The following KCNMA1 variants were observed in gnomAD, a reference collection of about 807,000 sequenced individuals.
KCNMA1 encodes the protein potassium calcium-activated channel subfamily M alpha 1, also known as Calcium-activated potassium channel subunit alpha-1.
A neutral mutation model predicts 140.0 loss-of-function variants in KCNMA1; 29 were observed. That is an observed-to-expected ratio of 0.21 (90% CI 0.15 to 0.28). The LOEUF is 0.28. KCNMA1 is among the 10% of genes least tolerant of loss of function. KCNMA1 has a pLI of 1.00. For synonymous variants in KCNMA1, 612 were observed against 611.9 expected, an observed-to-expected ratio of 1.00 and a Z score of 0.00; for missense variants, 880 against 1,602.2, an observed-to-expected ratio of 0.55 and a Z score of 7.70.
rs537151476 is a variant in KCNMA1, at chr10:77,054,436, G to A, written c.1750-14799C>T. Among the ~76,000 whole-genome samples the A allele has an allele frequency of 4.6e-5, 7 of 152,254 alleles. No individual in the cohort carries two copies. In the South Asian group the frequency reaches 1.2e-3, roughly 27 times the overall value. ...AGGAATAAACAGACTTCCACAGCCA[G>A]ACTGACAACAAAGAGCTTCTGCACA... On this transcript the variant is annotated intron_variant, in intron 14 of 27. Transcript: ENST00000286628.
At chr10:77,238,245 C>T (rs1403237498) in intron 3 of KCNMA1, among the ~76,000 whole-genome samples, 1 of 152,118 alleles carries the variant, frequency 6.6e-6, no homozygotes, top group African/African-American at 2.4e-5. Context: ...GTGAGAAATA[C>T]GGCCTTGTAC....
intron 23 of KCNMA1, among the ~76,000 whole-genome samples, chr10:76,921,384 A>G (rs1036937518): frequency 7.9e-5 from 12 of 152,222 alleles, no homozygotes; most frequent in Admixed American, 3.3e-4. Flanking sequence ...AATGCCAGGG[A>G]AAAAAACCTC....
chr10:77,393,520 G>A (rs936929078), intron 2 of KCNMA1, among the ~76,000 whole-genome samples: 1 of 152,234 alleles, frequency 6.6e-6, no homozygotes, highest in East Asian at 1.9e-4. Flanking sequence ...AGGAAACTGA[G>A]GTATGAGACA....
chr10:77,350,908 T>C (rs1051214506), intron 2 of KCNMA1: 7 of 152,104 alleles, frequency 4.6e-5, no homozygotes, highest in African/African-American at 1.7e-4. Context: ...GGCTAGAGGG[T>C]GGTTTGGGGG....
chr10:77,120,985 A>G lies in KCNMA1; in HGVS notation c.872T>C (p.Ile291Thr). 1 of 1,592,620 alleles carries G rather than the reference A, an allele frequency of 6.3e-7. No homozygotes were observed. The highest frequency in any genetic ancestry group is 8.6e-7 in the Non-Finnish European group (1 of 1,161,172). Residue 291 changes from isoleucine to threonine, a missense_variant, in exon 6 of 28, where the codon ATT (isoleucine) becomes ACT (threonine). Ile to Thr is a moderately conservative substitution (Grantham distance 89). Transcript: ENST00000286628. ...QFSEILQFLN[I>T]LKTSNSIKLV... Reference sequence around the variant, plus strand: ...AAGAACATCTTACCTTGTTTTAAGAATATTCAGAAACTGCAAAATTTCTGA... The same window carrying G: ...AAGAACATCTTACCTTGTTTTAAGAGTATTCAGAAACTGCAAAATTTCTGA...
chr10:77,577,882 T>A lies in KCNMA1; in HGVS notation c.378+59383A>T, dbSNP rs183579473. ...GTTCAAGGTGCTTTCTGTGCCCACA[T>A]TGCACCCAGTCCAGTGGCCAAATCC... is the stretch of plus-strand genomic sequence containing the variant. On this transcript the variant is annotated intron_variant, in intron 1 of 27. Coordinates refer to ENST00000286628, the MANE Select transcript of KCNMA1 (RefSeq NM_001161352.2). 1.7e-4 allele frequency among the ~76,000 whole-genome samples: 26 copies of A among 152,272 alleles called. No homozygotes were observed. In the East Asian group the frequency reaches 4.6e-3, roughly 27 times the overall value.
At chr10:76,922,535 A>G (rs1449191822) in intron 23 of KCNMA1, among the ~76,000 whole-genome samples, 4 of 152,082 alleles carry the variant, frequency 2.6e-5, no homozygotes, top group African/African-American at 7.2e-5. Context: ...GTCCTCCTCA[A>G]TCTAGGGCCT....
intron 9 of KCNMA1, among the ~76,000 whole-genome samples, chr10:77,107,103 G>C (rs2097212197): frequency 1.3e-5 from 2 of 152,148 alleles, no homozygotes; most frequent in African/African-American, 4.8e-5. Context: ...TGACCAAAGG[G>C]GAGGGTCCAC....
intron 25 of KCNMA1, among the ~76,000 whole-genome samples, chr10:76,893,482 A>C (rs2041105072): frequency 6.6e-6 from 1 of 152,164 alleles, no homozygotes; most frequent in Non-Finnish European, 1.5e-5. Flanking sequence ...TAATCCCAGA[A>C]CTTTGGTAGG....
chr10:76,952,225 G>C, intron 21 of KCNMA1: 9 of 1,519,860 alleles, frequency 5.9e-6, no homozygotes, highest in Non-Finnish European at 8.0e-6. Flanking sequence ...GAATACATCA[G>C]AATGTACATA....
intron 1 of KCNMA1, among the ~76,000 whole-genome samples, chr10:77,554,683 A>G (rs1237115543): frequency 6.6e-6 from 1 of 152,072 alleles, no homozygotes; most frequent in Non-Finnish European, 1.5e-5. Flanking sequence ...GAAATGAGGA[A>G]GACTAAGGAA....
intron 18 of KCNMA1, among the ~76,000 whole-genome samples, chr10:77,005,064 C>T (rs2087936882): frequency 6.6e-6 from 1 of 152,154 alleles, no homozygotes; most frequent in African/African-American, 2.4e-5. Flanking sequence ...TTCCCAAATC[C>T]CAATTCTCAG....
chr10:77,606,903 C>A (rs879553488), intron 1 of KCNMA1, among the ~76,000 whole-genome samples: 26 of 152,190 alleles, frequency 1.7e-4, no homozygotes, highest in South Asian at 2.1e-4. Flanking sequence ...ACCCGTGCAA[C>A]CCTTGCACCC....
At chr10:76,934,826 G>A (rs1181264272) in intron 23 of KCNMA1, among the ~76,000 whole-genome samples, 1 of 152,168 alleles carries the variant, frequency 6.6e-6, no homozygotes, top group Non-Finnish European at 1.5e-5. Context: ...CATTTTCTGA[G>A]CCTAGGCTTT....
At chr10:77,292,384 G>A (rs192312181) in intron 2 of KCNMA1, among the ~76,000 whole-genome samples, 1 of 152,292 alleles carries the variant, frequency 6.6e-6, no homozygotes, top group Non-Finnish European at 1.5e-5. Context: ...ATAGAGCAAG[G>A]CACCAGTCAT....
chr10:77,078,404 G>A (rs915582501), intron 13 of KCNMA1, among the ~76,000 whole-genome samples: 1 of 152,202 alleles, frequency 6.6e-6, no homozygotes, highest in African/African-American at 2.4e-5. Flanking sequence ...ATGAGACACT[G>A]GACTCTGGTT....
chr10:76,887,035 C>A lies in KCNMA1; in HGVS notation c.*231G>T, dbSNP rs201095411. On this transcript the variant is annotated 3_prime_UTR_variant, in exon 28 of 28. Coordinates refer to ENST00000286628, the MANE Select transcript of KCNMA1 (RefSeq NM_001161352.2). ...GCATGCCTTTGGGTTATTTTTCCCC[C>A]AGAATCATAAATAACTTTTGGTCCG... is the stretch of plus-strand genomic sequence containing the variant. The A allele has an allele frequency of 1.4e-6, 2 of 1,406,030 alleles. No homozygotes were observed. Among genetic ancestry groups the A allele is most frequent in the Non-Finnish European group, 1.9e-6 (2 of 1,075,424 alleles). 87.1% of individuals were successfully genotyped at this position (1,406,030 alleles called of 1,614,324 possible).
At chr10:76,916,490 G>A (rs999150016) in intron 23 of KCNMA1, among the ~76,000 whole-genome samples, 20 of 152,156 alleles carry the variant, frequency 1.3e-4, no homozygotes, top group African/African-American at 4.6e-4. Flanking sequence ...TTTTTCTAAC[G>A]AAGCATACGG....
At chr10:76,997,868 A>G (rs1247885468) in intron 19 of KCNMA1, among the ~76,000 whole-genome samples, 4 of 152,264 alleles carry the variant, frequency 2.6e-5, no homozygotes, top group African/African-American at 9.6e-5. Context: ...CAAGATGATC[A>G]TAAAATGACA....
Sources: allele counts gnomAD v4.1 joint callset (sites outside exome capture counted in the v4.1 genomes callset), GRCh38; gene constraint gnomAD v4.1.1; transcripts MANE v1.5; gene names NCBI Gene and HGNC (gene_info 2026-07-23, HGNC 2026-07-21).